The following GRM5 variants were observed in gnomAD, a reference collection of about 807,000 sequenced individuals.
The protein encoded by GRM5 is glutamate metabotropic receptor 5.
GRM5 carries 19 observed loss-of-function variants against 83.1 expected under a neutral mutation model. The ratio of observed to expected loss-of-function variants is 0.23; its 90% confidence interval spans 0.16 to 0.34. GRM5 has a LOEUF of 0.34. Among genes scored for constraint, GRM5 ranks in the 10% least tolerant of loss-of-function variants. GRM5 has a pLI of 1.00. For missense variants in GRM5, 1,160 were observed against 1,588.3 expected (o/e 0.73, Z 4.58); for synonymous variants, 675 against 633.6 (o/e 1.07, Z -0.98).
At chr11:88,931,826 T>C (rs1937714979) in intron 2 of GRM5, among the ~76,000 whole-genome samples, 3 of 152,172 alleles carry the variant, frequency 2.0e-5, no homozygotes, top group Admixed American at 2.0e-4. Flanking sequence ...GGTTCACCTT[T>C]GAACTAAAAT....
At chr11:88,717,585 T>A (rs552539430) in intron 3 of GRM5, among the ~76,000 whole-genome samples, 131 of 152,008 alleles carry the variant, frequency 8.6e-4, no homozygotes, top group South Asian at 5.8e-3. Context: ...TTGAAACACA[T>A]CACTGAATTA....
At chr11:88,834,696 G>A (rs1023360324) in intron 3 of GRM5, among the ~76,000 whole-genome samples, 2 of 152,172 alleles carry the variant, frequency 1.3e-5, no homozygotes, top group African/African-American at 4.8e-5. Context: ...TTGAATGCAT[G>A]TTTAAGCCTC....
At chr11:88,680,911 C>T (rs1011296800) in intron 3 of GRM5, among the ~76,000 whole-genome samples, 13 of 152,150 alleles carry the variant, frequency 8.5e-5, no homozygotes, top group African/African-American at 2.4e-4. Context: ...TTCATCACAG[C>T]GTCAAATACT....
intron 3 of GRM5, among the ~76,000 whole-genome samples, chr11:88,680,653 T>A (rs1940455710): frequency 6.6e-6 from 1 of 152,298 alleles, no homozygotes; most frequent in Middle Eastern, 3.4e-3. Context: ...GGATTATAAA[T>A]CATGCTGCTA....
intron 2 of GRM5, among the ~76,000 whole-genome samples, chr11:88,896,223 G>A (rs1281418406): frequency 6.6e-6 from 1 of 151,792 alleles, no homozygotes; most frequent in Non-Finnish European, 1.5e-5. Context: ...TCCAACACTT[G>A]TGCATCTAAT....
chr11:89,051,100 A>T (rs1456356677), intron 1 of GRM5, among the ~76,000 whole-genome samples: 1 of 152,014 alleles, frequency 6.6e-6, no homozygotes, highest in Admixed American at 6.6e-5. Flanking sequence ...TTTTAATTTT[A>T]AATACTTAAA....
chr11:88,545,356 A>G (rs899146888), intron 8 of GRM5, among the ~76,000 whole-genome samples: 2 of 152,120 alleles, frequency 1.3e-5, no homozygotes, highest in Non-Finnish European at 2.9e-5. Context: ...AATAGTTCCA[A>G]AAACAAACAC....
chr11:88,591,647 A>G (rs1754047169), intron 6 of GRM5, among the ~76,000 whole-genome samples: 1 of 152,244 alleles, frequency 6.6e-6, no homozygotes, highest in Admixed American at 6.5e-5. Flanking sequence ...ATGACCTTTG[A>G]TAATAACATC....
At chr11:89,018,264 G>A (rs947238595) in intron 2 of GRM5, among the ~76,000 whole-genome samples, 1 of 152,078 alleles carries the variant, frequency 6.6e-6, no homozygotes, top group Non-Finnish European at 1.5e-5. Flanking sequence ...GAGTATCTGT[G>A]TACCAAATCC....
chr11:88,718,610 C>T (rs141806648), intron 3 of GRM5, among the ~76,000 whole-genome samples: 1 of 152,052 alleles, frequency 6.6e-6, no homozygotes, highest in Admixed American at 6.6e-5. Flanking sequence ...GCATTGTCAT[C>T]TTTTAATCCT....
At chr11:88,769,188 T>C (rs1264267426) in intron 3 of GRM5, among the ~76,000 whole-genome samples, 1 of 152,074 alleles carries the variant, frequency 6.6e-6, no homozygotes, top group East Asian at 1.9e-4. Context: ...GGTTTTCCAC[T>C]TCTGGAGTGG....
intron 1 of GRM5, among the ~76,000 whole-genome samples, chr11:89,049,248 C>G (rs1039746961): frequency 2.4e-4 from 36 of 152,226 alleles, no homozygotes; most frequent in Admixed American, 1.1e-3. Context: ...TTTAGTATAG[C>G]TATGAATGTC....
intron 2 of GRM5, among the ~76,000 whole-genome samples, chr11:88,881,043 A>G (rs1414681169): frequency 3.3e-5 from 5 of 152,170 alleles, no homozygotes; most frequent in African/African-American, 1.2e-4. Flanking sequence ...GAAGTCCAGG[A>G]AAGCCTAAAT....
At chr11:88,815,573 T>G (rs1943661213) in intron 3 of GRM5, among the ~76,000 whole-genome samples, 2 of 152,222 alleles carry the variant, frequency 1.3e-5, no homozygotes, top group Non-Finnish European at 2.9e-5. Flanking sequence ...ATTGGTCATC[T>G]GCATCTGGTC....
At chr11:88,511,940 A>C (rs966906957) in intron 9 of GRM5, 1 of 152,382 alleles carries the variant, frequency 6.6e-6, no homozygotes, top group Non-Finnish European at 1.5e-5. Flanking sequence ...ACTTGAAATC[A>C]GGAGACTAAT....
At position 88,525,335 on chromosome 11, in the gene GRM5, C is replaced by A; in HGVS notation, c.2700G>T (p.Gly900=). Residue 900 remains glycine, a synonymous_variant, in exon 9 of 10, where the codon GGG becomes GGT. Coordinates refer to ENST00000305447, the MANE Select transcript of GRM5 (RefSeq NM_001143831.3). ...TGCTCATTGTTGCTCTCCCACCATT[C>A]CCCATACTCCCTTTGGGGGTGAAAC... ...IECFTPKGSM[G]NGGRATMSSS... is the part of the protein sequence containing the mutation. 6.2e-7 allele frequency: 1 copy of A among 1,609,936 alleles called. No homozygotes were observed. Among genetic ancestry groups the A allele is most frequent in the Non-Finnish European group, 8.5e-7 (1 of 1,176,234 alleles).
intron 3 of GRM5, among the ~76,000 whole-genome samples, chr11:88,771,642 G>A (rs1201056252): frequency 6.6e-6 from 1 of 152,064 alleles, no homozygotes; most frequent in Non-Finnish European, 1.5e-5. Flanking sequence ...TGACTCAAAC[G>A]TTAATCTCCT....
At chr11:88,628,135 C>T (rs997055068) in intron 4 of GRM5, among the ~76,000 whole-genome samples, 2 of 152,188 alleles carry the variant, frequency 1.3e-5, no homozygotes, top group Admixed American at 1.3e-4. Flanking sequence ...CAAAGACTAG[C>T]TATGTCATTA....
chr11:88,520,190 G>A (rs922729765), intron 9 of GRM5, among the ~76,000 whole-genome samples: 1 of 152,018 alleles, frequency 6.6e-6, no homozygotes, highest in Non-Finnish European at 1.5e-5. Context: ...GTATAGTGTG[G>A]GATACATGGT....
Sources: gnomAD v4.1 joint callset for allele counts (sites outside exome capture counted in the v4.1 genomes callset) on GRCh38, gnomAD v4.1.1 for gene constraint, MANE v1.5 for transcripts, NCBI Gene and HGNC (gene_info 2026-07-23, HGNC 2026-07-21) for gene names.